TSHZ3: variants seen among roughly 807,000 people sequenced by gnomAD.
TSHZ3 encodes the protein teashirt zinc finger homeobox 3.
Under a neutral mutation model 64.5 loss-of-function variants are expected in TSHZ3, and 10 were observed. The observed-to-expected ratio is 0.16, with a 90% CI of 0.10 to 0.26. TSHZ3 has a LOEUF of 0.26. Among genes scored for constraint, TSHZ3 ranks in the 10% least tolerant of loss-of-function variants. TSHZ3 has a pLI of 1.00. For synonymous variants in TSHZ3, 608 were observed against 593.1 expected (o/e 1.03, Z -0.36); for missense variants, 1,242 against 1,421.7 (o/e 0.87, Z 2.03).
intron 1 of TSHZ3, among the ~76,000 whole-genome samples, chr19:31,347,011 G>A (rs2021537274): frequency 6.6e-6 from 1 of 152,056 alleles, no homozygotes; most frequent in Non-Finnish European, 1.5e-5. Flanking sequence ...TGACCATTAA[G>A]CTATTGATGA....
At position 31,285,097 on chromosome 19, in the gene TSHZ3, C is replaced by A. The variant is rs145442888; in HGVS notation, c.41-5345G>T. Among the ~76,000 whole-genome samples the A allele has an allele frequency of 3.8e-3, 582 of 152,262 alleles. 3 individuals carry two copies. The highest frequency in any genetic ancestry group is 4.0e-3 in the Non-Finnish European group (271 of 68,016). ...GTAGACAGGATGACAGAACCCACCA[C>A]CAAGGAAGATGGGAGGAGACACCCC... On this transcript the variant is annotated intron_variant, in intron 1 of 1. Transcript: ENST00000240587.
At chr19:31,251,719 C>G (rs2069103914) in intron 1 of TSHZ3, among the ~76,000 whole-genome samples, 1 of 152,156 alleles carries the variant, frequency 6.6e-6, no homozygotes, top group Non-Finnish European at 1.5e-5. Context: ...AGCCAAGGCC[C>G]CCGGAAGATG....
At chr19:31,291,960 G>T (rs1201229129) in intron 1 of TSHZ3, among the ~76,000 whole-genome samples, 1 of 152,186 alleles carries the variant, frequency 6.6e-6, no homozygotes, top group East Asian at 1.9e-4. Flanking sequence ...CCGGAGCCAG[G>T]GTGCATTTTT....
At chr19:31,309,137 C>T (rs1685055691) in intron 1 of TSHZ3, among the ~76,000 whole-genome samples, 1 of 152,242 alleles carries the variant, frequency 6.6e-6, no homozygotes, top group Non-Finnish European at 1.5e-5. Flanking sequence ...CCCGCCACCC[C>T]TTGCAGACAC....
chr19:31,169,460 G>C lies in TSHZ3; in HGVS notation n.810-13043C>G, dbSNP rs181070363. Among the ~76,000 whole-genome samples the C allele has an allele frequency of 9.8e-4, 149 of 152,274 alleles. 1 individual carries two copies. Among genetic ancestry groups the C allele is most frequent in the Admixed American group, 9.3e-3 (142 of 15,302 alleles). On this transcript the variant is annotated intron_variant and non_coding_transcript_variant, in intron 5 of 6. Transcript: ENST00000651361. ...ACTCCCAAGGGCTGAGAAGAAGGGGGAATGGAGAATTACTGTTTAATTCAG... is the reference window on the plus strand; with the variant it reads ...ACTCCCAAGGGCTGAGAAGAAGGGGCAATGGAGAATTACTGTTTAATTCAG...
intron 4 of TSHZ3, among the ~76,000 whole-genome samples, chr19:31,206,829 C>G (rs1284913928): frequency 2.0e-5 from 3 of 152,068 alleles, no homozygotes; most frequent in Non-Finnish European, 4.4e-5. Context: ...GATTTTTAAA[C>G]AAAAAGCCAC....
chr19:31,288,324 C>T (rs1438770382), intron 1 of TSHZ3, among the ~76,000 whole-genome samples: 1 of 152,118 alleles, frequency 6.6e-6, no homozygotes, highest in African/African-American at 2.4e-5. Flanking sequence ...CCTCAGCAGG[C>T]ACGAAGTCCT....
intron 1 of TSHZ3, among the ~76,000 whole-genome samples, chr19:31,258,501 T>C (rs1238294016): frequency 6.6e-6 from 1 of 152,158 alleles, no homozygotes; most frequent in Non-Finnish European, 1.5e-5. Flanking sequence ...TGGCTCTGTT[T>C]TGGTTTTCTC....
intron 1 of TSHZ3, among the ~76,000 whole-genome samples, chr19:31,252,056 C>T (rs1975851393): frequency 6.6e-6 from 1 of 152,204 alleles, no homozygotes; most frequent in Non-Finnish European, 1.5e-5. Flanking sequence ...GCGTAACCTG[C>T]AGATGTTTCC....
chr19:31,295,464 G>T (rs978681787), intron 1 of TSHZ3, among the ~76,000 whole-genome samples: 4 of 152,240 alleles, frequency 2.6e-5, no homozygotes, highest in African/African-American at 9.6e-5. Context: ...ATGCTAGAGT[G>T]CCATGCCACA....
At chr19:31,290,841 C>A (rs1976553065) in intron 1 of TSHZ3, among the ~76,000 whole-genome samples, 1 of 152,176 alleles carries the variant, frequency 6.6e-6, no homozygotes, top group African/African-American at 2.4e-5. Flanking sequence ...AGGACTTCTG[C>A]AGAAGGCTGG....
chr19:31,222,922 A>G (rs1320222413), intron 4 of TSHZ3, among the ~76,000 whole-genome samples: 2 of 152,192 alleles, frequency 1.3e-5, no homozygotes, highest in Non-Finnish European at 2.9e-5. Flanking sequence ...AATAATACCC[A>G]TGTGGGGTCA....
intron 4 of TSHZ3, among the ~76,000 whole-genome samples, chr19:31,221,201 A>G (rs1168464843): frequency 6.6e-6 from 1 of 152,156 alleles, no homozygotes; most frequent in Non-Finnish European, 1.5e-5. Context: ...CATTAGAGGT[A>G]AGGGTAAAGT....
At chr19:31,226,056 A>T (rs988219345) in intron 4 of TSHZ3, among the ~76,000 whole-genome samples, 8 of 151,358 alleles carry the variant, frequency 5.3e-5, no homozygotes, top group African/African-American at 1.9e-4. Flanking sequence ...GAATCGGGAG[A>T]TGGAGGTTGC....
At chr19:31,274,898 C>T (rs1226112501), downstream of TSHZ3, 1 of 152,020 alleles carries the variant, frequency 6.6e-6, no homozygotes, top group Non-Finnish European at 1.5e-5. Flanking sequence ...TTAATGTGCT[C>T]GTTAGTCGTA....
chr19:31,293,064 T>A lies in TSHZ3; in HGVS notation c.41-13312A>T, dbSNP rs150669034. ...ATCCATCCATCCATCCAAAAATGTA[T>A]CCATCCATCCAAAAATCCATCCATC... On this transcript the variant is annotated intron_variant, in intron 1 of 1. Coordinates refer to ENST00000240587, the MANE Select transcript of TSHZ3 (RefSeq NM_020856.4). Among the ~76,000 whole-genome samples the A allele has an allele frequency of 4.9e-5, 7 of 141,502 alleles. No individual in the cohort carries two copies. The East Asian group carries it at 1.5e-3, about 30-fold the overall frequency. The allele number at this position is 141,502 out of a possible 152,430, so 92.8% of individuals were successfully genotyped here.
chr19:31,185,767 A>G (rs971018507), intron 5 of TSHZ3, among the ~76,000 whole-genome samples: 9 of 152,200 alleles, frequency 5.9e-5, no homozygotes, highest in Non-Finnish European at 1.2e-4. Flanking sequence ...CATTCCTATT[A>G]GAATATAGGA....
intron 1 of TSHZ3, among the ~76,000 whole-genome samples, chr19:31,244,793 G>C (rs1286965191): frequency 1.3e-5 from 2 of 152,096 alleles, no homozygotes; most frequent in African/African-American, 4.8e-5. Context: ...ACAGGCACAT[G>C]CCACCACACT....
chr19:31,165,080 G>T (rs1424621940), intron 5 of TSHZ3, among the ~76,000 whole-genome samples: 1 of 152,206 alleles, frequency 6.6e-6, no homozygotes, highest in African/African-American at 2.4e-5. Flanking sequence ...TTTGTCACCT[G>T]GCCCCTGTCG....
Sources: gnomAD v4.1 joint callset for allele counts (sites outside exome capture counted in the v4.1 genomes callset) on GRCh38, gnomAD v4.1.1 for gene constraint, MANE v1.5 for transcripts, NCBI Gene and HGNC (gene_info 2026-07-23, HGNC 2026-07-21) for gene names.